The following CADPS variants were observed in gnomAD, a reference collection of about 807,000 sequenced individuals.
CADPS encodes the protein calcium-dependent secretion activator 1.
Under a neutral mutation model 167.3 loss-of-function variants are expected in CADPS, and 57 were observed. The ratio of observed to expected loss-of-function variants is 0.34; its 90% CI spans 0.28 to 0.42. CADPS has a LOEUF of 0.42. CADPS is among the 20% of genes least tolerant of loss of function. The probability of loss-of-function intolerance (pLI) is 1.00; values close to 1 mark genes in which losing one functional copy is unlikely to be tolerated. For synonymous variants in CADPS, 676 were observed against 635.3 expected, an observed-to-expected ratio of 1.06 and a Z score of -0.96; for missense variants, 1,414 against 1,738.1, an observed-to-expected ratio of 0.81 and a Z score of 3.32.
chr3:62,539,645 C>A (rs183744692), intron 11 of CADPS, among the ~76,000 whole-genome samples: 1 of 152,046 alleles, frequency 6.6e-6, no homozygotes, highest in African/African-American at 2.4e-5. Flanking sequence ...GCTACATTCC[C>A]AGCCCTAGAA....
At chr3:62,707,086 C>T (rs964468471) in intron 3 of CADPS, among the ~76,000 whole-genome samples, 1 of 152,106 alleles carries the variant, frequency 6.6e-6, no homozygotes, top group African/African-American at 2.4e-5. Context: ...GTCCCCAACC[C>T]TCTGGCCACG....
At chr3:62,484,741 A>C (rs1314395102) in intron 21 of CADPS, among the ~76,000 whole-genome samples, 1 of 152,142 alleles carries the variant, frequency 6.6e-6, no homozygotes, top group African/African-American at 2.4e-5. Context: ...CTGCTTCTAG[A>C]ATTGACTCTA....
chr3:62,444,505 A>G (rs1002679156), intron 27 of CADPS, among the ~76,000 whole-genome samples: 2 of 152,238 alleles, frequency 1.3e-5, no homozygotes, highest in African/African-American at 4.8e-5. Context: ...CCACGAAGGG[A>G]AAGTTTATAC....
intron 1 of CADPS, among the ~76,000 whole-genome samples, chr3:62,789,231 G>T (rs994031460): frequency 6.6e-6 from 1 of 152,082 alleles, no homozygotes; most frequent in African/African-American, 2.4e-5. Flanking sequence ...TATCCTGGGG[G>T]TTCTTCTTGA....
At chr3:62,573,608 C>T (rs1164572167) in intron 8 of CADPS, among the ~76,000 whole-genome samples, 1 of 152,198 alleles carries the variant, frequency 6.6e-6, no homozygotes, top group African/African-American at 2.4e-5. Context: ...CCTGACCACA[C>T]CATAAAAATT....
chr3:62,718,332 G>C (rs1445204362), intron 3 of CADPS, among the ~76,000 whole-genome samples: 1 of 152,148 alleles, frequency 6.6e-6, no homozygotes, highest in Non-Finnish European at 1.5e-5. Flanking sequence ...TCATGTAAAT[G>C]TTTGAGAGAC....
In CADPS at chr3:62,585,248, T is replaced by C. The variant is rs749245429; in HGVS notation, c.1514A>G (p.Asp505Gly). The change falls in exon 8 of 30, where the codon GAC becomes GGC. Residue 505 changes from aspartate (D) to glycine (G), a missense_variant. This residue lies in a region of CADPS where 157 missense variants were observed against 229.4 expected (regional missense o/e 0.68). Coordinates refer to ENST00000383710, the MANE Select transcript of CADPS (RefSeq NM_003716.4). ...HKMTVSKNCP[D>G]QDLKIKLAVR... ...AGCAAGTTTGATTTTGAGATCTTGG[T>C]CGGGGCAGTTTTTGGAGACTGTCAT... The C allele has an allele frequency of 8.1e-6, 13 of 1,614,022 alleles. No homozygotes were observed. The South Asian group carries it at 1.3e-4, about 16-fold the overall frequency.
chr3:62,612,306 C>A (rs1267842050), intron 6 of CADPS, among the ~76,000 whole-genome samples: 1 of 152,178 alleles, frequency 6.6e-6, no homozygotes, highest in African/African-American at 2.4e-5. Context: ...TGAAATAAAA[C>A]ACATAAAGCA....
intron 6 of CADPS, among the ~76,000 whole-genome samples, chr3:62,612,351 T>C (rs927651325): frequency 6.6e-6 from 1 of 152,198 alleles, no homozygotes; most frequent in Non-Finnish European, 1.5e-5. Flanking sequence ...AACTAATAAC[T>C]GCCACAGTGA....
rs539488814 is a variant in CADPS at position 62,491,272 on chromosome 3, C to A, written c.3026+67G>T. 7 of 1,475,350 alleles carry A rather than the reference C, an allele frequency of 4.7e-6. No homozygotes were observed. In the African/African-American group the frequency reaches 9.8e-5, roughly 21 times the overall value. The allele number at this position is 1,475,350 out of a possible 1,614,324, so 91.4% of individuals were successfully genotyped here. A position where few individuals can be genotyped will look rare whatever the true frequency, so the allele number is the denominator to read the frequency against. ...GTGAAACCCATATGACATCATTAAT[C>A]CATTTCTGTATTACTCTCCAGCCAT... On this transcript the variant is annotated intron_variant, in intron 21 of 29. Coordinates refer to ENST00000383710, the MANE Select transcript of CADPS (RefSeq NM_003716.4).
At chr3:62,453,948 T>C (rs931874477) in intron 26 of CADPS, among the ~76,000 whole-genome samples, 3 of 152,132 alleles carry the variant, frequency 2.0e-5, no homozygotes, top group Non-Finnish European at 2.9e-5. Flanking sequence ...GTTGCTTCCT[T>C]TTATAAGAGG....
In CADPS at chr3:62,491,502, T is replaced by C. The variant is rs1169007534; in HGVS notation, c.2885-22A>G. On this transcript the variant is annotated intron_variant, in intron 20 of 29. Coordinates refer to ENST00000383710, the MANE Select transcript of CADPS (RefSeq NM_003716.4). ...TTATCTAGAACAGATAAGCAAAAGC[T>C]TGTTAAGAACCCACAGCTACTTTAT... 1.9e-6 allele frequency: 3 copies of C among 1,610,168 alleles called. No individual in the cohort carries two copies. In the African/African-American group the frequency reaches 4.0e-5, roughly 22 times the overall value.
chr3:62,864,625 T>C (rs1448197857), intron 1 of CADPS, among the ~76,000 whole-genome samples: 1 of 152,204 alleles, frequency 6.6e-6, no homozygotes, highest in Non-Finnish European at 1.5e-5. Context: ...TGTGCATATC[T>C]CTGGGTCCAG....
chr3:62,406,391 CAGCAG>C, intron 28 of CADPS, among the ~76,000 whole-genome samples: 1 of 152,154 alleles, frequency 6.6e-6, no homozygotes, highest in Non-Finnish European at 1.5e-5. Context: ...GATGGGAATG[CAGCAG>C]ATTTGTTATG....
At chr3:62,852,306 C>T (rs893893672) in intron 1 of CADPS, among the ~76,000 whole-genome samples, 1 of 152,088 alleles carries the variant, frequency 6.6e-6, no homozygotes, top group Non-Finnish European at 1.5e-5. Flanking sequence ...AGCTTTGTTC[C>T]GTTGCTGGTG....
intron 1 of CADPS, chr3:62,779,478 G>A (rs564232816): frequency 1.9e-6 from 1 of 536,828 alleles, no homozygotes; most frequent in Non-Finnish European, 3.8e-6. Flanking sequence ...ATCAAAATCT[G>A]CCATCTTGGC....
chr3:62,545,337 C>A lies in CADPS; in HGVS notation c.1966+4566G>T, dbSNP rs1482201562. Among the ~76,000 whole-genome samples, 8 of 152,212 alleles carry A rather than the reference C, an allele frequency of 5.3e-5. No homozygotes were observed. In the East Asian group the frequency reaches 1.5e-3, roughly 29 times the overall value. ...TAAGGTATCTCAATGAGAGGCCACT[C>A]AGCATAATAAATCGTGGAACACTCA... is the stretch of plus-strand genomic sequence containing the variant. On this transcript the variant is annotated intron_variant, in intron 11 of 29. Transcript: ENST00000383710.
At chr3:62,546,928 A>G (rs1464803974) in intron 11 of CADPS, among the ~76,000 whole-genome samples, 2 of 152,082 alleles carry the variant, frequency 1.3e-5, no homozygotes, top group Non-Finnish European at 2.9e-5. Flanking sequence ...ATATCTAGAC[A>G]CTTTTTTCTC....
chr3:62,434,367 G>C (rs1328625269), intron 28 of CADPS, among the ~76,000 whole-genome samples: 14 of 152,018 alleles, frequency 9.2e-5, no homozygotes, highest in Non-Finnish European at 1.9e-4. Flanking sequence ...GTCTTGGATT[G>C]GTTAGTTTTT....
Sources: allele counts gnomAD v4.1 joint callset (sites outside exome capture counted in the v4.1 genomes callset), GRCh38; gene constraint gnomAD v4.1.1; regional missense constraint gnomAD v4.1.1; transcripts MANE v1.5; gene names NCBI Gene and HGNC (gene_info 2026-07-23, HGNC 2026-07-21).